MICU3: variants seen among roughly 807,000 people sequenced by gnomAD.
MICU3 encodes mitochondrial calcium uptake 3.
MICU3 carries 62 observed loss-of-function variants against 66.5 expected under a neutral mutation model. That is an observed-to-expected ratio of 0.93 (90% CI 0.76 to 1.15). The LOEUF is 1.15. MICU3 is among the 50% of genes most tolerant of loss of function. MICU3 has a pLI of 0.00. For synonymous variants in MICU3, 308 were observed against 240.7 expected, an observed-to-expected ratio of 1.28 and a Z score of -2.59; for missense variants, 779 against 664.4, an observed-to-expected ratio of 1.17 and a Z score of -1.90.
chr8:17,119,627 A>T (rs1803037189), intron 14 of MICU3, among the ~76,000 whole-genome samples: 1 of 152,156 alleles, frequency 6.6e-6, no homozygotes, highest in Non-Finnish European at 1.5e-5. Context: ...CTTAAAAAAA[A>T]AAGTTGCTTA....
intron 1 of MICU3, among the ~76,000 whole-genome samples, chr8:17,051,392 C>G (rs2150570726): frequency 6.6e-6 from 1 of 152,216 alleles, no homozygotes; most frequent in Admixed American, 6.5e-5. Flanking sequence ...GTAAACAATT[C>G]CTGCGTTCAT....
intron 1 of MICU3, among the ~76,000 whole-genome samples, chr8:17,058,677 C>G (rs1463006064): frequency 6.6e-6 from 1 of 152,196 alleles, no homozygotes; most frequent in African/African-American, 2.4e-5. Flanking sequence ...TGCTGGCCAG[C>G]TGCCGCCTCT....
At position 17,069,717 on chromosome 8, in the gene MICU3, C is replaced by A; in HGVS notation, c.565C>A (p.Gln189Lys). The A allele has an allele frequency of 6.5e-7, 1 of 1,539,714 alleles. No homozygotes were observed. The highest frequency in any genetic ancestry group is 8.8e-7 in the Non-Finnish European group (1 of 1,136,836). ...CAAAACTTGGAAGTCACTTTCCAAACAGGTGAGTTAAAGCTCTTGGTAGAT... is the reference window on the plus strand; with the variant it reads ...CAAAACTTGGAAGTCACTTTCCAAAAAGGTGAGTTAAAGCTCTTGGTAGAT... ...VAKTWKSLSKQELNQMLAETP... is the reference protein window; with the variant it reads ...VAKTWKSLSKKELNQMLAETP... The change falls in exon 3 of 15, where the codon CAG becomes AAG. Residue 189 changes from glutamine to lysine, a missense_variant and splice_region_variant. By Grantham distance (53) the Gln-to-Lys change is moderately conservative (BLOSUM62 1). Transcript: ENST00000318063.
chr8:17,064,535 G>T (rs966676571), intron 2 of MICU3, among the ~76,000 whole-genome samples: 4 of 152,118 alleles, frequency 2.6e-5, no homozygotes, highest in Non-Finnish European at 5.9e-5. Context: ...GAACAGAGTA[G>T]TTCAGAGGAC....
At chr8:17,084,495 CG>C (rs1799246522) in intron 5 of MICU3, among the ~76,000 whole-genome samples, 1 of 152,016 alleles carries the variant, frequency 6.6e-6, no homozygotes, top group Non-Finnish European at 1.5e-5. Context: ...CCCCTCCCCC[CG>C]GTCATCTCAA....
chr8:17,060,534 A>G (rs1395496002), intron 1 of MICU3, among the ~76,000 whole-genome samples: 1 of 151,748 alleles, frequency 6.6e-6, no homozygotes, highest in Non-Finnish European at 1.5e-5. Context: ...CTGGTCTCGA[A>G]CTCCTGACCT....
the MICU3 span, among the ~76,000 whole-genome samples, chr8:17,137,316 A>G: frequency 6.6e-6 from 1 of 152,012 alleles, no homozygotes; most frequent in Non-Finnish European, 1.5e-5. Context: ...GCATTGCCCA[A>G]TATAAGCAGT....
chr8:17,040,978 A>G (rs1341859868), intron 1 of MICU3, among the ~76,000 whole-genome samples: 2 of 152,200 alleles, frequency 1.3e-5, no homozygotes, highest in African/African-American at 4.8e-5. Context: ...AATAATGGGC[A>G]TGGATGATGA....
rs1375713637 is a variant in MICU3 at position 17,105,576 on chromosome 8, G to A, written c.1249G>A (p.Glu417Lys). The A allele has an allele frequency of 6.6e-7, 1 of 1,515,552 alleles. No individual in the cohort carries two copies. The highest frequency in any genetic ancestry group is 8.9e-7 in the Non-Finnish European group (1 of 1,127,764). The allele number at this position is 1,515,552 out of a possible 1,614,324, so 93.9% of individuals were successfully genotyped here. A position where few individuals can be genotyped will look rare whatever the true frequency, so the allele number is the denominator to read the frequency against. ...AGAAAATGTGCGTTACAGTATACCTGAAGAAAAGGTATCTAATCCTCATAT... is the reference window on the plus strand; with the variant it reads ...AGAAAATGTGCGTTACAGTATACCTAAAGAAAAGGTATCTAATCCTCATAT... ...FLENVRYSIP[E>K]EKGITFDEFR... Residue 417 changes from glutamate to lysine, a missense_variant, in exon 11 of 15, where the codon GAA becomes AAA. Transcript: ENST00000318063.
chr8:17,049,719 TC>T (rs1176911965), intron 1 of MICU3: 1 of 495,064 alleles, frequency 2.0e-6, no homozygotes, highest in Non-Finnish European at 4.0e-6. Context: ...GAAGTTCTGG[TC>T]CCAGACCCAT....
At chr8:17,102,824 G>C (rs1585512160) in intron 9 of MICU3, 1 of 151,872 alleles carries the variant, frequency 6.6e-6, no homozygotes, top group East Asian at 1.9e-4. Flanking sequence ...TTTTATTGTA[G>C]ACAACTTCTC....
intron 3 of MICU3, among the ~76,000 whole-genome samples, chr8:17,073,586 T>C (rs749745158): frequency 2.0e-5 from 3 of 152,198 alleles, no homozygotes; most frequent in Non-Finnish European, 2.9e-5. Context: ...ACAATAAATG[T>C]AATGCACTTG....
At chr8:17,126,799 G>T, downstream of MICU3, among the ~76,000 whole-genome samples, 1 of 152,200 alleles carries the variant, frequency 6.6e-6, no homozygotes, top group South Asian at 2.1e-4. Context: ...TAAATTTGTG[G>T]AACTACCACA....
At chr8:17,113,336 T>C (rs1258787595) in intron 11 of MICU3, among the ~76,000 whole-genome samples, 1 of 152,236 alleles carries the variant, frequency 6.6e-6, no homozygotes, top group African/African-American at 2.4e-5. Context: ...TAAATGCAGC[T>C]CCTCTTGTCC....
intron 12 of MICU3, among the ~76,000 whole-genome samples, chr8:17,115,983 T>C (rs982691164): frequency 2.0e-5 from 3 of 152,174 alleles, no homozygotes; most frequent in African/African-American, 7.2e-5. Flanking sequence ...TCACATCCTT[T>C]TCCTAACCAC....
rs376494790 is a variant in MICU3, at chr8:17,097,766, C to T, written c.889-692C>T. Among the ~76,000 whole-genome samples, 108 of 151,748 alleles carry T rather than the reference C, an allele frequency of 7.1e-4. 1 individual carries two copies. Among genetic ancestry groups the T allele is most frequent in the African/African-American group, 2.5e-3 (104 of 41,466 alleles). On this transcript the variant is annotated intron_variant, in intron 8 of 14. Transcript: ENST00000318063. ...GATCCAAGTTAGGCTTGCAGTTTGA[C>T]ATCTTCCTAGAGTGATTAGACTACA...
At position 17,115,981 on chromosome 8, in the gene MICU3, T is replaced by C. The variant is rs1802643547; in HGVS notation, c.1367-462T>C. On this transcript the variant is annotated intron_variant, in intron 12 of 14. Coordinates refer to ENST00000318063, the MANE Select transcript of MICU3 (RefSeq NM_181723.3). ...TCAGCTCAAAGACAAAATCACATCC[T>C]TTTCCTAACCACTGCCTTTCTCTCC... Among the ~76,000 whole-genome samples the C allele has an allele frequency of 2.0e-5, 3 of 152,162 alleles. 1 individual carries two copies. Among genetic ancestry groups the C allele is most frequent in the South Asian group, 4.1e-4 (2 of 4,830 alleles).
intron 9 of MICU3, chr8:17,102,430 T>C (rs1801346082): frequency 6.6e-6 from 1 of 152,004 alleles, no homozygotes; most frequent in Non-Finnish European, 1.5e-5. Flanking sequence ...ATAAGAACAT[T>C]TGTTTGCTTA....
intron 1 of MICU3, among the ~76,000 whole-genome samples, chr8:17,041,817 G>C (rs1243904755): frequency 6.6e-6 from 1 of 152,166 alleles, no homozygotes; most frequent in Non-Finnish European, 1.5e-5. Flanking sequence ...TGTATGCTTA[G>C]TGGCAAGTAG....
Sources: gnomAD v4.1 joint callset for allele counts (sites outside exome capture counted in the v4.1 genomes callset) on GRCh38, gnomAD v4.1.1 for gene constraint, MANE v1.5 for transcripts, NCBI Gene and HGNC (gene_info 2026-07-23, HGNC 2026-07-21) for gene names.